Variants in SGCD observed in about 807,000 individuals in gnomAD.
SGCD encodes sarcoglycan delta, also known as delta-sarcoglycan.
In SGCD, 18 loss-of-function variants were observed where a neutral mutation model predicts 36.6. The observed-to-expected ratio is 0.49, with a 90% CI of 0.34 to 0.73. SGCD has a LOEUF of 0.73. Among genes scored for constraint, SGCD ranks in the 30% least tolerant of loss-of-function variants. The probability of loss-of-function intolerance (pLI) is 0.01; values close to 1 mark genes in which losing one functional copy is unlikely to be tolerated. For missense variants in SGCD, 387 were observed against 346.7 expected (o/e 1.12, Z -0.92); for synonymous variants, 133 against 130.6 (o/e 1.02, Z -0.12).
At chr5:155,894,868 A>C (rs1006221728) in intron 1 of SGCD, among the ~76,000 whole-genome samples, 1 of 152,214 alleles carries the variant, frequency 6.6e-6, no homozygotes, top group Non-Finnish European at 1.5e-5. Flanking sequence ...AATAAATCAT[A>C]GAAATAAAGT....
chr5:156,696,164 T>A (rs929170048), intron 7 of SGCD, among the ~76,000 whole-genome samples: 3 of 152,184 alleles, frequency 2.0e-5, no homozygotes, highest in Admixed American at 6.5e-5. Flanking sequence ...CAGTCGTTGC[T>A]ACTCAGACAC....
the SGCD span, among the ~76,000 whole-genome samples, chr5:155,810,590 T>C: frequency 6.6e-6 from 1 of 152,082 alleles, no homozygotes; most frequent in Non-Finnish European, 1.5e-5. Context: ...ACAACTAACT[T>C]TCCTAAGTTA....
chr5:155,763,590 A>G, the SGCD span, among the ~76,000 whole-genome samples: 4 of 152,242 alleles, frequency 2.6e-5, no homozygotes, highest in Admixed American at 2.6e-4. Flanking sequence ...CATCATTTGT[A>G]ATAGACAATA....
intron 3 of SGCD, among the ~76,000 whole-genome samples, chr5:156,126,091 C>T (rs1017280735): frequency 5.9e-5 from 9 of 151,800 alleles, no homozygotes; most frequent in African/African-American, 1.2e-4. Flanking sequence ...ATATTGTCCA[C>T]GCTGGTCTCG....
chr5:156,162,702 A>T (rs1438091703), intron 3 of SGCD, among the ~76,000 whole-genome samples: 3 of 151,658 alleles, frequency 2.0e-5, no homozygotes, highest in Non-Finnish European at 2.9e-5. Flanking sequence ...TGCTCAGAAG[A>T]TGGGAAGCTG....
intron 3 of SGCD, among the ~76,000 whole-genome samples, chr5:156,360,182 G>T (rs1354162358): frequency 6.6e-6 from 1 of 151,684 alleles, no homozygotes; most frequent in Non-Finnish European, 1.5e-5. Context: ...CTTCCTGTTT[G>T]GTGTGCTTTC....
At chr5:156,741,366 G>C (rs956610289) in intron 7 of SGCD, among the ~76,000 whole-genome samples, 5 of 152,194 alleles carry the variant, frequency 3.3e-5, no homozygotes, top group African/African-American at 1.2e-4. Flanking sequence ...AACAGACTTT[G>C]TGATAACATT....
At chr5:156,605,201 T>TC (rs1417607857) in intron 6 of SGCD, among the ~76,000 whole-genome samples, 3 of 151,824 alleles carry the variant, frequency 2.0e-5, no homozygotes, top group Non-Finnish European at 4.4e-5. Flanking sequence ...CCCTCCCCTC[T>TC]CCCCCCACCC....
chr5:156,526,517 A>T (rs1173144320), intron 4 of SGCD, among the ~76,000 whole-genome samples: 1 of 152,170 alleles, frequency 6.6e-6, no homozygotes, highest in African/African-American at 2.4e-5. Flanking sequence ...AGTTAACTGG[A>T]CCATGAAGTA....
chr5:156,230,408 A>T (rs988952193), intron 3 of SGCD, among the ~76,000 whole-genome samples: 22 of 152,026 alleles, frequency 1.4e-4, no homozygotes, highest in African/African-American at 5.3e-4. Flanking sequence ...TCTCCTATGG[A>T]TGTGGCTTCC....
At chr5:156,160,383 T>C (rs1450183813) in intron 3 of SGCD, among the ~76,000 whole-genome samples, 2 of 151,698 alleles carry the variant, frequency 1.3e-5, no homozygotes, top group African/African-American at 4.9e-5. Flanking sequence ...CTATATTTTA[T>C]TCCTGCAATT....
intron 4 of SGCD, among the ~76,000 whole-genome samples, chr5:156,520,773 T>C (rs1757368514): frequency 6.6e-6 from 1 of 151,728 alleles, no homozygotes; most frequent in Non-Finnish European, 1.5e-5. Flanking sequence ...ATCCCAGCAC[T>C]TTGGGAGGAC....
In SGCD at chr5:156,085,280, C is replaced by A. The variant is rs530174894; in HGVS notation, c.-281-32598C>A. ...AAATCTCATGTTGAACTGTAACCCCCAGTGCTGGAGGTGTGGCCTGGTGGG... is the reference window on the plus strand; with the variant it reads ...AAATCTCATGTTGAACTGTAACCCCAAGTGCTGGAGGTGTGGCCTGGTGGG... On this transcript the variant is annotated intron_variant, in intron 1 of 9. Transcript: ENST00000517913. Among the ~76,000 whole-genome samples the A allele has an allele frequency of 2.0e-5, 3 of 152,258 alleles. No individual in the cohort carries two copies. In the East Asian group the frequency reaches 5.8e-4, roughly 29 times the overall value.
At chr5:156,180,055 G>A (rs564940450) in intron 3 of SGCD, among the ~76,000 whole-genome samples, 82 of 152,334 alleles carry the variant, frequency 5.4e-4, no homozygotes, top group African/African-American at 1.9e-3. Context: ...GTCAGAAGTT[G>A]TAGTTTTTGA....
At chr5:156,242,790 G>C (rs775801950) in intron 3 of SGCD, among the ~76,000 whole-genome samples, 1 of 152,194 alleles carries the variant, frequency 6.6e-6, no homozygotes, top group Non-Finnish European at 1.5e-5. Flanking sequence ...GCTGCCCAGC[G>C]TGTGGTGTTG....
chr5:155,973,746 A>G (rs1758051184), intron 1 of SGCD, among the ~76,000 whole-genome samples: 1 of 152,198 alleles, frequency 6.6e-6, no homozygotes, highest in African/African-American at 2.4e-5. Flanking sequence ...TAATAATTAA[A>G]TGAGAAGAGT....
intron 4 of SGCD, among the ~76,000 whole-genome samples, chr5:156,509,223 G>A (rs768593082): frequency 2.6e-5 from 4 of 152,106 alleles, no homozygotes; most frequent in Non-Finnish European, 5.9e-5. Flanking sequence ...GTAGGAGTTT[G>A]AGACCAGCCT....
intron 7 of SGCD, chr5:156,739,835 G>T (rs1157066431): frequency 6.6e-6 from 1 of 152,082 alleles, no homozygotes; most frequent in Non-Finnish European, 1.5e-5. Context: ...TTGTTTAACC[G>T]CTCTGAACCT....
chr5:155,888,968 T>G (rs1163777733), intron 1 of SGCD, among the ~76,000 whole-genome samples: 3 of 152,250 alleles, frequency 2.0e-5, no homozygotes, highest in Non-Finnish European at 2.9e-5. Context: ...GCTGATCTTC[T>G]CAGATGTAGT....
Sources: gnomAD v4.1 joint callset for allele counts (sites outside exome capture counted in the v4.1 genomes callset) on GRCh38, gnomAD v4.1.1 for gene constraint, MANE v1.5 for transcripts, NCBI Gene and HGNC (gene_info 2026-07-23, HGNC 2026-07-21) for gene names.